Variants in UBE2H observed in about 807,000 individuals in gnomAD.
UBE2H encodes ubiquitin-conjugating enzyme E2 H.
A neutral mutation model predicts 29.0 loss-of-function variants in UBE2H; 3 were observed. That is an observed-to-expected ratio of 0.10 (90% CI 0.05 to 0.27). UBE2H has a LOEUF of 0.27. Ranked by LOEUF, UBE2H falls within the 10% of genes least tolerant of loss-of-function variation. The probability of loss-of-function intolerance (pLI) is 1.00; values close to 1 mark genes in which losing one functional copy is unlikely to be tolerated. For synonymous variants in UBE2H, 69 were observed against 82.9 expected (o/e 0.83, Z 0.91); for missense variants, 68 against 228.2 (o/e 0.30, Z 4.52).
chr7:129,831,824 T>C lies in UBE2H; in HGVS notation c.*3113A>G, dbSNP rs1411035389. 1 of 152,252 alleles carries C rather than the reference T, an allele frequency of 6.6e-6. No individual in the cohort carries two copies. Among genetic ancestry groups the C allele is most frequent in the Admixed American group, 6.5e-5 (1 of 15,290 alleles). 9.4% of individuals were successfully genotyped at this position (152,252 alleles called of 1,614,324 possible). A position where few individuals can be genotyped will look rare whatever the true frequency, so the allele number is the denominator to read the frequency against. ...GGGTGGTGGATTCAATGTTGCCAGG[T>C]TGCAACCATCTTGCTTGTTGGTGTT... On this transcript the variant is annotated 3_prime_UTR_variant, in exon 7 of 7. Transcript: ENST00000355621.
chr7:129,842,980 T>C (rs935689991), intron 5 of UBE2H, among the ~76,000 whole-genome samples: 1 of 150,930 alleles, frequency 6.6e-6, no homozygotes, highest in Non-Finnish European at 1.5e-5. Context: ...AGTTAAACAA[T>C]AGTTACATTA....
intron 1 of UBE2H, among the ~76,000 whole-genome samples, chr7:129,900,753 T>C (rs1357445991): frequency 1.1e-5 from 1 of 88,578 alleles, no homozygotes; most frequent in South Asian, 2.9e-4. Flanking sequence ...TCTTTTTCCT[T>C]TTTTTTTTTT....
intron 1 of UBE2H, among the ~76,000 whole-genome samples, chr7:129,929,190 G>A (rs1196685043): frequency 6.6e-6 from 1 of 152,110 alleles, no homozygotes; most frequent in African/African-American, 2.4e-5. Flanking sequence ...GGTGGCACAT[G>A]CCGGTAATCC....
chr7:129,926,751 GCTGA>G (rs148437589), intron 1 of UBE2H, among the ~76,000 whole-genome samples: 9,455 of 152,066 alleles, frequency 0.062, 359 homozygotes, highest in Non-Finnish European at 0.091. Context: ...TCCTCCTCTG[GCTGA>G]CTGATAAGTG....
intron 5 of UBE2H, among the ~76,000 whole-genome samples, chr7:129,851,523 G>T (rs999889791): frequency 6.6e-6 from 1 of 152,178 alleles, no homozygotes; most frequent in South Asian, 2.1e-4. Context: ...GTGTCCATAC[G>T]CTGGGAAGAC....
chr7:129,934,953 GTGTGTATATATATGTGTATATA>G (rs1807493687), intron 1 of UBE2H, among the ~76,000 whole-genome samples: 1 of 150,442 alleles, frequency 6.6e-6, no homozygotes, highest in Admixed American at 6.7e-5. Flanking sequence ...ATATGTGTGT[GTGTGTATATATATGTGTATATA>G]TGTGTGTGTA....
chr7:129,928,900 G>T (rs181484667), intron 1 of UBE2H, among the ~76,000 whole-genome samples: 1 of 152,256 alleles, frequency 6.6e-6, no homozygotes, highest in East Asian at 1.9e-4. Context: ...TGTTTTAAAA[G>T]ACTTGAATTC....
chr7:129,867,484 G>C (rs1056178845), intron 3 of UBE2H, among the ~76,000 whole-genome samples: 7 of 102,756 alleles, frequency 6.8e-5, no homozygotes, highest in South Asian at 3.7e-4. Context: ...TCACTCATAG[G>C]TGGGAATTGA....
intron 1 of UBE2H, among the ~76,000 whole-genome samples, chr7:129,889,227 T>C (rs1806425354): frequency 6.6e-6 from 1 of 152,168 alleles, no homozygotes; most frequent in Non-Finnish European, 1.5e-5. Flanking sequence ...CTGTGGTGTG[T>C]AGGACTGGCT....
chr7:129,884,974 G>A (rs1453021021), intron 1 of UBE2H, among the ~76,000 whole-genome samples: 1 of 152,008 alleles, frequency 6.6e-6, no homozygotes. Context: ...GCCTAAGGCA[G>A]GAAGATTGTT....
chr7:129,835,656 A>G (rs2116255129), intron 6 of UBE2H, among the ~76,000 whole-genome samples: 1 of 152,346 alleles, frequency 6.6e-6, no homozygotes, highest in South Asian at 2.1e-4. Flanking sequence ...ACCTGAAGGT[A>G]GATTTCCGCT....
chr7:129,846,366 A>C (rs1286079612), intron 5 of UBE2H, among the ~76,000 whole-genome samples: 1 of 150,500 alleles, frequency 6.6e-6, no homozygotes, highest in African/African-American at 2.5e-5. Context: ...AATAATAATA[A>C]TAATAATAAT....
At chr7:129,898,703 T>A (rs1048408289) in intron 1 of UBE2H, among the ~76,000 whole-genome samples, 1 of 152,054 alleles carries the variant, frequency 6.6e-6, no homozygotes, top group African/African-American at 2.4e-5. Flanking sequence ...ATGTGAGATG[T>A]GCTGGTGCAA....
intron 1 of UBE2H, among the ~76,000 whole-genome samples, chr7:129,920,899 C>T (rs924149634): frequency 2.7e-5 from 4 of 146,604 alleles, no homozygotes; most frequent in East Asian, 2.0e-4. Context: ...TGGTGTTGGC[C>T]GGGCACAGTG....
intron 1 of UBE2H, among the ~76,000 whole-genome samples, chr7:129,945,453 A>C (rs1239228192): frequency 6.6e-6 from 1 of 152,248 alleles, no homozygotes; most frequent in East Asian, 1.9e-4. Flanking sequence ...TGAGGAAATT[A>C]GAATTCATCT....
chr7:129,886,037 G>A (rs915302495), intron 1 of UBE2H, among the ~76,000 whole-genome samples: 2 of 152,206 alleles, frequency 1.3e-5, no homozygotes, highest in Non-Finnish European at 2.9e-5. Context: ...CAGGCTGGGA[G>A]ACTGGTGGGA....
chr7:129,904,037 T>C (rs145636834), intron 1 of UBE2H, among the ~76,000 whole-genome samples: 171 of 152,372 alleles, frequency 1.1e-3, no homozygotes, highest in African/African-American at 3.7e-3. Context: ...ATCTAAAGTA[T>C]GTGAATCACT....
At chr7:129,863,662 A>G (rs992123289) in intron 3 of UBE2H, among the ~76,000 whole-genome samples, 5 of 152,174 alleles carry the variant, frequency 3.3e-5, no homozygotes, top group Admixed American at 2.0e-4. Context: ...AAATACCATA[A>G]AGAGCCACAA....
intron 1 of UBE2H, among the ~76,000 whole-genome samples, chr7:129,898,954 C>T (rs776130249): frequency 8.5e-5 from 13 of 152,142 alleles, no homozygotes; most frequent in East Asian, 1.9e-4. Flanking sequence ...CACACATCCA[C>T]GTCATCACAT....
Sources: gnomAD v4.1 joint callset for allele counts (sites outside exome capture counted in the v4.1 genomes callset) on GRCh38, gnomAD v4.1.1 for gene constraint, MANE v1.5 for transcripts, NCBI Gene and HGNC (gene_info 2026-07-23, HGNC 2026-07-21) for gene names.